Variants in NAPA observed in about 807,000 individuals in gnomAD.
NAPA encodes alpha-soluble NSF attachment protein.
In NAPA, 18 loss-of-function variants were observed where a neutral mutation model predicts 48.0. That is an observed-to-expected ratio of 0.38 (90% CI 0.26 to 0.56). The LOEUF (loss-of-function observed/expected upper bound fraction) is 0.56. NAPA is among the 20% of genes least tolerant of loss of function. The pLI is 0.77. For missense variants in NAPA, 315 were observed against 385.0 expected, an observed-to-expected ratio of 0.82 and a Z score of 1.52; for synonymous variants, 152 against 149.9, an observed-to-expected ratio of 1.01 and a Z score of -0.10.
At chr19:47,508,722 C>CG (rs1968743445) in intron 1 of NAPA, among the ~76,000 whole-genome samples, 1 of 151,728 alleles carries the variant, frequency 6.6e-6, no homozygotes. Flanking sequence ...ACACTGGTCT[C>CG]GAACTCCTGG....
chr19:47,514,165 T>C (rs745986001), intron 1 of NAPA, among the ~76,000 whole-genome samples: 12 of 151,988 alleles, frequency 7.9e-5, no homozygotes, highest in Non-Finnish European at 1.3e-4. Context: ...TCCGTTCAGC[T>C]GTCCTTAAAC....
chr19:47,498,730 C>T (rs1339580260), intron 3 of NAPA, among the ~76,000 whole-genome samples: 1 of 152,216 alleles, frequency 6.6e-6, no homozygotes, highest in Non-Finnish European at 1.5e-5. Context: ...TGTGTGAGGC[C>T]TGACTAGCCT....
At chr19:47,488,487 TCA>T (rs1259392724) in intron 10 of NAPA, 98 bp from the exon 11 acceptor site, 1 of 887,442 alleles carries the variant, frequency 1.1e-6, no homozygotes, top group African/African-American at 1.6e-5. Flanking sequence ...TCTGTCTCTG[TCA>T]CCCCTGGTCT....
At chr19:47,485,349 T>A (rs1460555211), downstream of NAPA, among the ~76,000 whole-genome samples, 1 of 152,242 alleles carries the variant, frequency 6.6e-6, no homozygotes, top group Non-Finnish European at 1.5e-5. Flanking sequence ...GTCCACTGAC[T>A]GATATGCTAG....
intron 7 of NAPA, 93 bp downstream of exon 7, chr19:47,492,868 G>T: frequency 8.4e-7 from 1 of 1,186,300 alleles, no homozygotes. Flanking sequence ...AGCCGGGGGA[G>T]GGGTGGTTCC....
rs541338110 is a variant in NAPA at position 47,503,630 on chromosome 19, C to T, written c.99-128G>A. 4 of 852,998 alleles carry T rather than the reference C, an allele frequency of 4.7e-6. No individual in the cohort carries two copies. The African/African-American group carries it at 5.0e-5, about 11-fold the overall frequency. 52.8% of individuals were successfully genotyped at this position (852,998 alleles called of 1,614,324 possible). A position where few individuals can be genotyped will look rare whatever the true frequency, so the allele number is the denominator to read the frequency against. ...ACCCTTCACCTGTGAAGCCAGCTTCCCCCAGGCCTCTTGAGTCTGTGGCCC... is the reference window on the plus strand; with the variant it reads ...ACCCTTCACCTGTGAAGCCAGCTTCTCCCAGGCCTCTTGAGTCTGTGGCCC... On this transcript the variant is annotated intron_variant, in intron 1 of 10. Coordinates refer to ENST00000263354, the MANE Select transcript of NAPA (RefSeq NM_003827.4).
intron 8 of NAPA, chr19:47,491,315 C>CA (rs1968260723): frequency 6.1e-6 from 1 of 164,064 alleles, no homozygotes. Flanking sequence ...CCTGGTCTGA[C>CA]AAAGCCCAAG....
chr19:47,510,907 TCTC>T (rs1450121840), intron 1 of NAPA, among the ~76,000 whole-genome samples: 4 of 152,166 alleles, frequency 2.6e-5, no homozygotes, highest in African/African-American at 9.7e-5. Flanking sequence ...GCTTTGAGCT[TCTC>T]CTAACTGGCT....
At chr19:47,494,252 C>T (rs996397897) in intron 4 of NAPA, among the ~76,000 whole-genome samples, 3 of 152,192 alleles carry the variant, frequency 2.0e-5, no homozygotes, top group Admixed American at 2.0e-4. Flanking sequence ...CACTAAGGAA[C>T]GGGGATGACA....
intron 9 of NAPA, among the ~76,000 whole-genome samples, chr19:47,490,195 ATGTG>A (rs1157829854): frequency 3.2e-5 from 3 of 93,158 alleles, no homozygotes; most frequent in East Asian, 3.2e-4. Flanking sequence ...TGTGTGTGCA[ATGTG>A]TGTGTGTGGG....
At chr19:47,511,192 C>T (rs1037481166) in intron 1 of NAPA, among the ~76,000 whole-genome samples, 13 of 152,328 alleles carry the variant, frequency 8.5e-5, no homozygotes, top group African/African-American at 1.9e-4. Context: ...TCTCCAGTCC[C>T]GGCAGCTACC....
chr19:47,500,638 G>C lies in NAPA; in HGVS notation c.290C>G (p.Pro97Arg). The change falls in exon 3 of 11, where the codon CCC (proline) becomes CGC (arginine). Residue 97 changes from proline to arginine, a missense_variant. By Grantham distance (103) the Pro-to-Arg change is moderately radical. Coordinates refer to ENST00000263354, the MANE Select transcript of NAPA (RefSeq NM_003827.4). ...TGGCCCGCAGAGGCCCTCACCTTGGGGGTCGGCTTTCTTGAATGCGTTGCC... is the reference window on the plus strand; with the variant it reads ...TGGCCCGCAGAGGCCCTCACCTTGGCGGTCGGCTTTCTTGAATGCGTTGCC... Reference protein sequence around the residue: ...DAGNAFKKADPQEAINCLMRA... With the variant: ...DAGNAFKKADRQEAINCLMRA... The C allele has an allele frequency of 1.2e-6, 2 of 1,608,000 alleles. No individual in the cohort carries two copies. Among genetic ancestry groups the C allele is most frequent in the Non-Finnish European group, 1.7e-6 (2 of 1,177,052 alleles).
At position 47,495,535 on chromosome 19, in the gene NAPA, G is replaced by C. The variant is rs1968398829; in HGVS notation, c.342+15C>G. ...GTGGGACCCGGGGGTGTCAGGACAA[G>C]CAAGCAGCCCTTACCATGTCTGTGT... On this transcript the variant is annotated intron_variant, in intron 4 of 10. Transcript: ENST00000263354. 1 of 1,613,690 alleles carries C rather than the reference G, an allele frequency of 6.2e-7. No homozygotes were observed. The highest frequency in any genetic ancestry group is 8.5e-7 in the Non-Finnish European group (1 of 1,179,684).
Position 47,490,876 on chromosome 19 carries a change from G to T in NAPA, c.667-20C>A, listed in dbSNP as rs761739934. ...AGCCAGCTGGGCAGCAGGGAAGGGA[G>T]AAGATGAGTTAGTAACAAGAGGGTC... On this transcript the variant is annotated intron_variant, in intron 8 of 10. Coordinates refer to ENST00000263354, the MANE Select transcript of NAPA (RefSeq NM_003827.4). The T allele has an allele frequency of 1.2e-6, 2 of 1,611,104 alleles. No individual in the cohort carries two copies. The highest frequency in any genetic ancestry group is 2.2e-5 in the South Asian group (2 of 90,662).
chr19:47,498,600 T>C (rs1190131798), intron 3 of NAPA, among the ~76,000 whole-genome samples: 1 of 152,190 alleles, frequency 6.6e-6, no homozygotes, highest in Non-Finnish European at 1.5e-5. Flanking sequence ...AGGCTTTTTT[T>C]TGGGGACAGG....
At position 47,500,749 on chromosome 19, in the gene NAPA, G is replaced by A; in HGVS notation, c.179C>T (p.Ala60Val). 6.2e-7 allele frequency: 1 copy of A among 1,602,660 alleles called. No individual in the cohort carries two copies. Among genetic ancestry groups the A allele is most frequent in the Non-Finnish European group, 8.5e-7 (1 of 1,174,236 alleles). Residue 60 changes from alanine to valine, a missense_variant and splice_region_variant, in exon 3 of 11, where the codon GCT becomes GTT. Ala to Val is a moderately conservative substitution (Grantham distance 64, BLOSUM62 0). Around this residue, in one of 3 missense-constraint regions of NAPA, gnomAD observed 173 missense variants for 213.5 expected, o/e 0.81. Coordinates refer to ENST00000263354, the MANE Select transcript of NAPA (RefSeq NM_003827.4). Reference protein sequence around the residue: ...NMFKMAKNWSAAGNAFCQAAQ... With the variant: ...NMFKMAKNWSVAGNAFCQAAQ... ...AGCCTGGCAGAACGCGTTTCCAGCAGCTGGAACAGAAGAGAAGGGCAGTCC... is the reference window on the plus strand; with the variant it reads ...AGCCTGGCAGAACGCGTTTCCAGCAACTGGAACAGAAGAGAAGGGCAGTCC...
chr19:47,498,117 G>C (rs1968477816), intron 3 of NAPA, among the ~76,000 whole-genome samples: 1 of 152,218 alleles, frequency 6.6e-6, no homozygotes, highest in South Asian at 2.1e-4. Context: ...TCGGGCCTCA[G>C]GCACACTCCA....
chr19:47,494,058 A>T (rs1419522148), intron 4 of NAPA, among the ~76,000 whole-genome samples: 1 of 152,152 alleles, frequency 6.6e-6, no homozygotes, highest in Admixed American at 6.5e-5. Flanking sequence ...GCCTCCACCC[A>T]GTGTCCAGGC....
intron 1 of NAPA, 150 bp from the exon 2 acceptor site, chr19:47,503,652 G>T: frequency 1.4e-6 from 1 of 729,504 alleles, no homozygotes. Flanking sequence ...TGAGTCTGTG[G>T]CCCCCGCCCC....
Sources: gnomAD v4.1 joint callset for allele counts (sites outside exome capture counted in the v4.1 genomes callset) on GRCh38, gnomAD v4.1.1 for gene constraint, gnomAD v4.1.1 regional missense constraint, MANE v1.5 for transcripts, NCBI Gene and HGNC (gene_info 2026-07-23, HGNC 2026-07-21) for gene names.